WNK2: variants seen among roughly 807,000 people sequenced by gnomAD.
WNK2 encodes the protein WNK lysine deficient protein kinase 2.
WNK2 carries 67 observed loss-of-function variants against 192.1 expected under a neutral mutation model. The observed-to-expected ratio is 0.35, with a 90% CI of 0.29 to 0.43. WNK2 has a LOEUF of 0.43. Ranked by LOEUF, WNK2 falls within the 20% of genes least tolerant of loss-of-function variation. The probability of loss-of-function intolerance (pLI) is 1.00; values close to 1 mark genes in which losing one functional copy is unlikely to be tolerated. For missense variants in WNK2, 2,698 were observed against 3,089.7 expected (o/e 0.87, Z 3.01); for synonymous variants, 1,439 against 1,393.9 (o/e 1.03, Z -0.72).
intron 5 of WNK2, among the ~76,000 whole-genome samples, chr9:93,237,147 G>A (rs371754303): frequency 4.6e-5 from 7 of 152,112 alleles, no homozygotes; most frequent in Admixed American, 3.3e-4. Context: ...GAATTGCAGC[G>A]GTTTCACAGA....
At position 93,229,933 on chromosome 9, in the gene WNK2, G is replaced by A; in HGVS notation, c.854+65G>A. 1 of 1,558,206 alleles carries A rather than the reference G, an allele frequency of 6.4e-7. No homozygotes were observed. Among genetic ancestry groups the A allele is most frequent in the Non-Finnish European group, 8.7e-7 (1 of 1,150,352 alleles). On this transcript the variant is annotated intron_variant, in intron 3 of 29. Coordinates refer to ENST00000427277, the MANE Select transcript of WNK2 (RefSeq NM_006648.4). This position sits in a 1 kb window ranked among gnomAD's most constrained non-coding sequence, Gnocchi z 4.9. ...TGGGTGCAGGGCTACCATAGCTGAG[G>A]GTGAGGTCTTGGGCTGCTGGGGTGG...
At position 93,229,705 on chromosome 9, in the gene WNK2, C is replaced by G; in HGVS notation, c.691C>G (p.Leu231Val). Residue 231 changes from leucine to valine, a missense_variant, in exon 3 of 30, where the codon CTC becomes GTC. Physicochemically the swap from Leu to Val is conservative, Grantham distance 32. Coordinates refer to ENST00000427277, the MANE Select transcript of WNK2 (RefSeq NM_006648.4). This position sits in a 1 kb window ranked among gnomAD's most constrained non-coding sequence, Gnocchi z 4.9. ...GTCTCTTGCCCTGTAGGACCGGAAGCTCACCAAGCTGGAGCGGCAGCGGTT... is the reference window on the plus strand; with the variant it reads ...GTCTCTTGCCCTGTAGGACCGGAAGGTCACCAAGCTGGAGCGGCAGCGGTT... ...VAWCELQDRK[L>V]TKLERQRFKE... The G allele has an allele frequency of 6.2e-7, 1 of 1,613,022 alleles. No homozygotes were observed. Among genetic ancestry groups the G allele is most frequent in the Non-Finnish European group, 8.5e-7 (1 of 1,179,424 alleles).
chr9:93,192,509 C>G (rs1031389644), intron 2 of WNK2, among the ~76,000 whole-genome samples: 15 of 151,564 alleles, frequency 9.9e-5, no homozygotes, highest in Admixed American at 8.6e-4. Flanking sequence ...GGAGTGGGAT[C>G]TCCCAGGCTG....
At chr9:93,289,913 T>TA in intron 20 of WNK2, 65 bp from the exon 21 acceptor site, 2 of 1,465,364 alleles carry the variant, frequency 1.4e-6, no homozygotes, top group Non-Finnish European at 1.9e-6. Flanking sequence ...GATTTGCAGA[T>TA]ACAGCTGTTG....
intron 3 of WNK2, among the ~76,000 whole-genome samples, chr9:93,230,080 T>C (rs1838483946): frequency 6.6e-6 from 1 of 152,112 alleles, no homozygotes; most frequent in Non-Finnish European, 1.5e-5. Flanking sequence ...TGTTTCTGGC[T>C]GGGGTTCTGT....
chr9:93,260,652 T>G (rs900981873), intron 12 of WNK2, among the ~76,000 whole-genome samples: 6 of 152,200 alleles, frequency 3.9e-5, no homozygotes, highest in Non-Finnish European at 5.9e-5. Context: ...CTTCTTGCTG[T>G]CTTATCTCCA....
At position 93,234,839 on chromosome 9, in the gene WNK2, C is replaced by T. The variant is rs910119348; in HGVS notation, c.1107C>T (p.Tyr369=). 10 of 1,613,944 alleles carry T rather than the reference C, an allele frequency of 6.2e-6. No individual in the cohort carries two copies. Among genetic ancestry groups the T allele is most frequent in the Admixed American group, 3.3e-5 (2 of 59,996 alleles). Residue 369 remains tyrosine, a synonymous_variant, in exon 5 of 30, where the codon TAC becomes TAT. Transcript: ENST00000427277. The part of the protein sequence containing the change: ...GTPEFMAPEM[Y]EEHYDESVDV... The stretch of plus-strand genomic sequence containing the variant: ...CCGAGTTCATGGCGCCCGAGATGTA[C>T]GAGGAGCACTACGATGAGTCCGTGG...
chr9:93,308,806 G>A lies in WNK2; in HGVS notation c.6516+222G>A, dbSNP rs1038449295. 9.2e-6 allele frequency: 13 copies of A among 1,406,334 alleles called. No individual in the cohort carries two copies. The Admixed American group carries it at 3.9e-4, about 42-fold the overall frequency. The allele number at this position is 1,406,334 out of a possible 1,614,324, so 87.1% of individuals were successfully genotyped here. A position where few individuals can be genotyped will look rare whatever the true frequency, so the allele number is the denominator to read the frequency against. ...CGCAGCTGGCAGGTGGAAAGGACAG[G>A]CCAGGCCAGGCCAGGCCAGGGCTGT... On this transcript the variant is annotated intron_variant, in intron 28 of 29. Coordinates refer to ENST00000427277, the MANE Select transcript of WNK2 (RefSeq NM_006648.4).
At chr9:93,213,762 C>T (rs1835207222) in intron 2 of WNK2, among the ~76,000 whole-genome samples, 1 of 152,170 alleles carries the variant, frequency 6.6e-6, no homozygotes, top group Admixed American at 6.5e-5. Context: ...GCACTCCAGC[C>T]TGGGCAACAA....
chr9:93,226,601 C>T (rs1837861093), intron 2 of WNK2, among the ~76,000 whole-genome samples: 1 of 152,206 alleles, frequency 6.6e-6, no homozygotes, highest in Non-Finnish European at 1.5e-5. Flanking sequence ...CTCCATCACC[C>T]TCCACCCCAA....
chr9:93,289,598 G>A lies in WNK2; in HGVS notation c.4844G>A (p.Arg1615His), dbSNP rs762946990. The A allele has an allele frequency of 3.1e-5, 46 of 1,490,842 alleles. No individual in the cohort carries two copies. Among genetic ancestry groups the A allele is most frequent in the Non-Finnish European group, 3.5e-5 (39 of 1,125,132 alleles). 92.4% of individuals were successfully genotyped at this position (1,490,842 alleles called of 1,614,324 possible). Reference sequence around the variant, plus strand: ...GTGCCTAAGGAGGCGGTCTCAGGGCGTGTCCAGCTGCCCCAGCCCTTGGTG... The same window carrying A: ...GTGCCTAAGGAGGCGGTCTCAGGGCATGTCCAGCTGCCCCAGCCCTTGGTG... The part of the protein sequence containing the change: ...PPVPKEAVSG[R>H]VQLPQPLVEK... Residue 1615 changes from arginine (R) to histidine (H), a missense_variant, in exon 20 of 30, where the codon CGT becomes CAT. By Grantham distance (29) the Arg-to-His change is conservative. Around this residue, in one of 7 missense-constraint regions of WNK2, gnomAD observed 1,098 missense variants for 1,101.0 expected, o/e 1.00. Transcript: ENST00000427277.
chr9:93,302,688 G>A (rs898214647), intron 26 of WNK2, among the ~76,000 whole-genome samples: 2 of 152,214 alleles, frequency 1.3e-5, no homozygotes, highest in Admixed American at 1.3e-4. Flanking sequence ...GATAGAGCAG[G>A]GCAGTGCAGC....
chr9:93,258,971 C>T lies in WNK2; in HGVS notation c.2423C>T (p.Ala808Val), dbSNP rs577942921. Residue 808 changes from alanine (A) to valine (V), a missense_variant, in exon 12 of 30, where the codon GCG becomes GTG. Transcript: ENST00000427277. ...GTTGTGCCCCCCATCACGCCCCTGG[C>T]GGGAATCGACGGCCTCCCTCCGGCC... is the stretch of plus-strand genomic sequence containing the variant. ...IPVVPPITPL[A>V]GIDGLPPALP... is the part of the protein sequence containing the mutation. 1.6e-5 allele frequency: 25 copies of T among 1,612,604 alleles called. No individual in the cohort carries two copies. The highest frequency in any genetic ancestry group is 7.7e-5 in the South Asian group (7 of 91,040).
chr9:93,310,202 C>T (rs987264598), intron 28 of WNK2, among the ~76,000 whole-genome samples: 1 of 152,178 alleles, frequency 6.6e-6, no homozygotes, highest in Non-Finnish European at 1.5e-5. Context: ...GGTACACCTC[C>T]GCCAGTCTGA....
chr9:93,297,951 T>G lies in WNK2; in HGVS notation c.5807T>G (p.Phe1936Cys). ...LGKPLPPNVG[F>C]FHTAPPTGRR... ...AAGCCACTGCCCCCCAACGTGGGCT[T>G]CTTCCACACGGCACCCCCCACTGGC... The change falls in exon 24 of 30, where the codon TTC becomes TGC. Residue 1936 changes from phenylalanine to cysteine, a missense_variant. This residue lies in a region of WNK2 where 1,098 missense variants were observed against 1,101.0 expected (regional missense o/e 1.00). Coordinates refer to ENST00000427277, the MANE Select transcript of WNK2 (RefSeq NM_006648.4). 1 of 1,583,744 alleles carries G rather than the reference T, an allele frequency of 6.3e-7. No homozygotes were observed. Among genetic ancestry groups the G allele is most frequent in the South Asian group, 1.2e-5 (1 of 86,594 alleles).
intron 14 of WNK2, chr9:93,263,227 C>T: frequency 2.3e-6 from 1 of 440,540 alleles, no homozygotes; most frequent in East Asian, 4.6e-5. Context: ...ACGGATTGGC[C>T]TCACAACAGT....
At chr9:93,246,671 A>G (rs1841756632) in intron 7 of WNK2, among the ~76,000 whole-genome samples, 1 of 152,142 alleles carries the variant, frequency 6.6e-6, no homozygotes, top group South Asian at 2.1e-4. Context: ...CCCGATAGCT[A>G]TGACTCCCTC....
intron 28 of WNK2, among the ~76,000 whole-genome samples, chr9:93,314,006 C>G (rs914093102): frequency 6.6e-6 from 1 of 151,844 alleles, no homozygotes; most frequent in Non-Finnish European, 1.5e-5. Context: ...TGCAGTGGCT[C>G]ACGCTTGTAA....
At chr9:93,202,865 G>T (rs1277355463) in intron 2 of WNK2, among the ~76,000 whole-genome samples, 1 of 152,158 alleles carries the variant, frequency 6.6e-6, no homozygotes, top group Non-Finnish European at 1.5e-5. Flanking sequence ...GGCTTGGAAG[G>T]GCTAGGCTGC....
Sources: gnomAD v4.1 joint callset for allele counts (sites outside exome capture counted in the v4.1 genomes callset) on GRCh38, gnomAD v4.1.1 for gene constraint, gnomAD v4.1.1 regional missense constraint, Gnocchi (gnomAD v3.1) non-coding constraint, MANE v1.5 for transcripts, NCBI Gene and HGNC (gene_info 2026-07-23, HGNC 2026-07-21) for gene names.